Variants in FHDC1 observed in about 807,000 individuals in gnomAD.
FHDC1 encodes FH2 domain containing 1, also known as FH2 domain-containing protein 1.
A neutral mutation model predicts 52.6 loss-of-function variants in FHDC1; 25 were observed. The ratio of observed to expected loss-of-function variants is 0.48; its 90% CI spans 0.35 to 0.66. FHDC1 has a LOEUF of 0.66. FHDC1 is among the 30% of genes least tolerant of loss of function. The probability of loss-of-function intolerance (pLI) is 0.01; values close to 1 mark genes in which losing one functional copy is unlikely to be tolerated. For missense variants in FHDC1, 1,459 were observed against 1,452.8 expected (o/e 1.00, Z -0.07); for synonymous variants, 616 against 581.5 (o/e 1.06, Z -0.85).
At chr4:152,927,927 G>A in the FHDC1 span, 1 of 1,444,658 alleles carries the variant, frequency 6.9e-7, no homozygotes, top group Admixed American at 1.7e-5. Flanking sequence ...AAGCGTAAGA[G>A]CTCAGAGAGT....
chr4:152,949,508 A>G (rs1216211770), intron 2 of FHDC1, among the ~76,000 whole-genome samples: 7 of 151,886 alleles, frequency 4.6e-5, no homozygotes, highest in Admixed American at 6.5e-5. Context: ...AAAAGTTATG[A>G]TGGCAATTGT....
chr4:152,932,795 A>C (rs1357900965), upstream of FHDC1, among the ~76,000 whole-genome samples: 1 of 152,246 alleles, frequency 6.6e-6, no homozygotes, highest in Non-Finnish European at 1.5e-5. Context: ...TCTGTTTTAC[A>C]TGGATTCTGA....
At chr4:152,964,831 C>A in intron 8 of FHDC1, 74 bp from the exon 9 acceptor site, 2 of 1,258,276 alleles carry the variant, frequency 1.6e-6, no homozygotes, top group Non-Finnish European at 2.3e-6. Flanking sequence ...TTTTAAGATT[C>A]CTTTAAGCCC....
rs150684306 is a variant in FHDC1 at position 152,976,525 on chromosome 4, C to T, written c.3234C>T (p.Ala1078=). The T allele has an allele frequency of 5.0e-4, 809 of 1,613,184 alleles. 3 individuals are homozygous for T. In the African/African-American group the frequency reaches 9.6e-3, roughly 19 times the overall value. ...GGGTGAAAGGGGACCCCGAGGATGC[C>T]GCTCCCAAGGACAGCAGCACTTTGA... is the stretch of plus-strand genomic sequence containing the variant. ...QLRVKGDPED[A]APKDSSTLRR... Residue 1078 remains alanine (A), a synonymous_variant, in exon 12 of 12, where the codon GCC becomes GCT. Transcript: ENST00000511601.
intron 4 of FHDC1, among the ~76,000 whole-genome samples, chr4:152,954,593 A>G (rs556438667): frequency 6.6e-6 from 1 of 152,208 alleles, no homozygotes; most frequent in East Asian, 1.9e-4. Flanking sequence ...AGGCTGGGGT[A>G]TGACAATTGC....
At chr4:152,968,700 A>T (rs1740542922) in intron 10 of FHDC1, among the ~76,000 whole-genome samples, 1 of 152,140 alleles carries the variant, frequency 6.6e-6, no homozygotes, top group African/African-American at 2.4e-5. Flanking sequence ...AGTTTGCACG[A>T]TTGCAGTTTA....
At chr4:152,926,733 C>A in the FHDC1 span, among the ~76,000 whole-genome samples, 2 of 150,680 alleles carry the variant, frequency 1.3e-5, no homozygotes, top group South Asian at 2.1e-4. Flanking sequence ...AATTCAGAGG[C>A]CTTGTTCCCC....
the FHDC1 span, among the ~76,000 whole-genome samples, chr4:152,920,851 T>C: frequency 6.6e-6 from 1 of 150,888 alleles, no homozygotes; most frequent in Non-Finnish European, 1.5e-5. Context: ...TAAGTGTCTT[T>C]TTAAAAAAAA....
At chr4:152,922,993 G>A in the FHDC1 span, among the ~76,000 whole-genome samples, 1 of 152,060 alleles carries the variant, frequency 6.6e-6, no homozygotes, top group Non-Finnish European at 1.5e-5. Flanking sequence ...ACATAGTGTT[G>A]GAAGTTCTGG....
chr4:152,927,486 G>C, the FHDC1 span: 45 of 900,036 alleles, frequency 5.0e-5, no homozygotes, highest in Non-Finnish European at 7.4e-5. Context: ...ATCAAAAAGA[G>C]GTTTGTGTCT....
the FHDC1 span, among the ~76,000 whole-genome samples, chr4:152,922,906 G>A: frequency 1.5e-3 from 232 of 151,792 alleles, 7 homozygotes; most frequent in East Asian, 0.04. Flanking sequence ...ATATCATACT[G>A]AATGGGCAAA....
intron 10 of FHDC1, 65 bp from the exon 11 acceptor site, chr4:152,972,311 GC>G: frequency 6.9e-7 from 1 of 1,453,014 alleles, no homozygotes; most frequent in East Asian, 2.4e-5. Context: ...GGCACCGGAT[GC>G]AGTGCCCAGC....
upstream of FHDC1, among the ~76,000 whole-genome samples, chr4:152,935,975 C>G (rs531134131): frequency 1.8e-4 from 27 of 152,128 alleles, no homozygotes; most frequent in South Asian, 6.2e-4. Flanking sequence ...TCCTCTCGCC[C>G]GTTCCCCGAG....
rs199502600 is a variant in FHDC1 at position 152,976,160 on chromosome 4, C to A, written c.2869C>A (p.Leu957Met). The A allele has an allele frequency of 2.5e-6, 4 of 1,611,924 alleles. No individual in the cohort carries two copies. In the East Asian group the frequency reaches 8.9e-5, roughly 36 times the overall value. Residue 957 changes from leucine to methionine, a missense_variant, in exon 12 of 12, where the codon CTG (leucine) becomes ATG (methionine). Transcript: ENST00000511601. ...RASTGAEEQRLPRGSSGSSST... is the reference protein window; with the variant it reads ...RASTGAEEQRMPRGSSGSSST... ...CTCCACAGGCGCCGAAGAGCAGAGGCTGCCGCGGGGGAGCAGCGGCTCCAG... is the reference window on the plus strand; with the variant it reads ...CTCCACAGGCGCCGAAGAGCAGAGGATGCCGCGGGGGAGCAGCGGCTCCAG...
At chr4:152,921,435 A>T in the FHDC1 span, among the ~76,000 whole-genome samples, 1 of 152,098 alleles carries the variant, frequency 6.6e-6, no homozygotes, top group Non-Finnish European at 1.5e-5. Flanking sequence ...CAGATTACTT[A>T]TGAAAACTGT....
chr4:152,959,103 G>A (rs887515163), intron 4 of FHDC1, among the ~76,000 whole-genome samples: 2 of 152,138 alleles, frequency 1.3e-5, no homozygotes, highest in Admixed American at 1.3e-4. Flanking sequence ...CATAACCAAG[G>A]GAGTGGAAGA....
chr4:152,963,913 C>T (rs72725634), intron 8 of FHDC1, among the ~76,000 whole-genome samples: 8,407 of 149,644 alleles, frequency 0.056, 296 homozygotes, highest in Non-Finnish European at 0.081. Flanking sequence ...GGCTTTTCCT[C>T]CATTGAATCA....
chr4:152,913,292 A>C, the FHDC1 span, among the ~76,000 whole-genome samples: 1 of 152,252 alleles, frequency 6.6e-6, no homozygotes, highest in African/African-American at 2.4e-5. Context: ...TTGCCTTTCT[A>C]TCCACTGACC....
chr4:152,943,282 C>T lies in FHDC1; in HGVS notation c.225C>T (p.Pro75=). 6.2e-7 allele frequency: 1 copy of T among 1,611,276 alleles called. No individual in the cohort carries two copies. ...PLPGEPPIPP[P]PPGLPPTTHM... ...CTGGGGAGCCTCCCATCCCACCTCC[C>T]CCACCAGGCCTACCCCCAACTACTC... Residue 75 remains proline, a synonymous_variant, in exon 2 of 12, where the codon CCC becomes CCT. Transcript: ENST00000511601.
Sources: allele counts gnomAD v4.1 joint callset (sites outside exome capture counted in the v4.1 genomes callset), GRCh38; gene constraint gnomAD v4.1.1; transcripts MANE v1.5; gene names NCBI Gene and HGNC (gene_info 2026-07-23, HGNC 2026-07-21).